Variants in SERPINB8 observed in about 807,000 individuals in gnomAD.
The protein encoded by SERPINB8 is serpin B8.
Under a neutral mutation model 35.3 loss-of-function variants are expected in SERPINB8, and 25 were observed. The ratio of observed to expected loss-of-function variants is 0.71; its 90% CI spans 0.52 to 0.99. The LOEUF (loss-of-function observed/expected upper bound fraction) is 0.99. SERPINB8 is among the 50% of genes least tolerant of loss of function. The probability of loss-of-function intolerance (pLI) is 0.00; values close to 1 mark genes in which losing one functional copy is unlikely to be tolerated. For synonymous variants in SERPINB8, 186 were observed against 160.8 expected (o/e 1.16, Z -1.19); for missense variants, 484 against 446.5 (o/e 1.08, Z -0.76).
At chr18:63,994,657 T>C (rs1328265035) in intron 1 of SERPINB8, among the ~76,000 whole-genome samples, 1 of 152,138 alleles carries the variant, frequency 6.6e-6, no homozygotes, top group Admixed American at 6.5e-5. Context: ...TTTGGTACAC[T>C]GTAACAAGAC....
downstream of SERPINB8, among the ~76,000 whole-genome samples, chr18:63,989,708 C>T (rs1291104816): frequency 2.0e-5 from 3 of 152,006 alleles, no homozygotes; most frequent in Non-Finnish European, 4.4e-5. Context: ...CTTTGGGAGG[C>T]CGAGGCGGGC....
chr18:63,972,806 A>C (rs1347936956), intron 1 of SERPINB8, among the ~76,000 whole-genome samples: 2 of 152,198 alleles, frequency 1.3e-5, no homozygotes, highest in Non-Finnish European at 2.9e-5. Context: ...ATGTCCCTAC[A>C]AAGGACATGA....
intron 6 of SERPINB8, chr18:63,986,601 T>C: frequency 1.5e-6 from 2 of 1,310,286 alleles, no homozygotes; most frequent in South Asian, 4.8e-5. Context: ...GTTTTTAACA[T>C]TTGAAAGGAG....
At chr18:63,994,351 C>G (rs1003355599), downstream of SERPINB8, among the ~76,000 whole-genome samples, 1 of 152,142 alleles carries the variant, frequency 6.6e-6, no homozygotes, top group Admixed American at 6.5e-5. Flanking sequence ...CTCTCTCTCT[C>G]TCTCTCAATT....
chr18:64,010,105 C>G (rs2050919237), downstream of SERPINB8, among the ~76,000 whole-genome samples: 1 of 151,946 alleles, frequency 6.6e-6, no homozygotes, highest in South Asian at 2.1e-4. Context: ...CAAACAACCA[C>G]ATTGAAAAAT....
intron 1 of SERPINB8, among the ~76,000 whole-genome samples, chr18:63,997,438 G>A (rs536587094): frequency 1.4e-4 from 21 of 152,268 alleles, no homozygotes; most frequent in Non-Finnish European, 2.6e-4. Flanking sequence ...CAGGCATGTC[G>A]TCCAATGAGC....
Position 63,983,586 on chromosome 18 carries a change from T to A in SERPINB8, c.432T>A (p.Ile144=). 6.2e-7 allele frequency: 1 copy of A among 1,613,570 alleles called. No individual in the cohort carries two copies. Among genetic ancestry groups the A allele is most frequent in the Non-Finnish European group, 8.5e-7 (1 of 1,179,634 alleles). The change falls in exon 5 of 7, where the codon ATT becomes ATA. Residue 144 remains isoleucine, a synonymous_variant. Transcript: ENST00000397985. The part of the protein sequence containing the change: ...DWVAEKTEGK[I]SEVLDAGTVD... ...CTCTCATATTCTTTATAGGTAAGAT[T>A]TCAGAGGTACTGGATGCTGGGACAG...
In SERPINB8 at chr18:63,987,140, C is replaced by T. The variant is rs201952924; in HGVS notation, c.987C>T (p.Ala329=). Residue 329 remains alanine, a synonymous_variant, in exon 7 of 7, where the codon GCC becomes GCT. Transcript: ENST00000397985. ...VEVNEEGTEA[A]AATAVVRNSR... ...TCAATGAGGAAGGCACAGAGGCTGC[C>T]GCAGCCACTGCTGTGGTCAGGAATT... The T allele has an allele frequency of 7.3e-5, 118 of 1,614,014 alleles. No homozygotes were observed. The highest frequency in any genetic ancestry group is 2.0e-4 in the South Asian group (18 of 91,070).
downstream of SERPINB8, among the ~76,000 whole-genome samples, chr18:63,989,987 G>A (rs1250762571): frequency 1.4e-5 from 2 of 140,710 alleles, no homozygotes; most frequent in African/African-American, 5.2e-5. Context: ...GTGCTTATTT[G>A]CTATCCATAT....
rs573619694 is a variant in SERPINB8 at position 63,983,151 on chromosome 18, C to T, written c.425-428C>T. On this transcript the variant is annotated intron_variant, in intron 4 of 6. Coordinates refer to ENST00000397985, the MANE Select transcript of SERPINB8 (RefSeq NM_002640.4). ...GCTAAACATCCTACAATGCACAAGA[C>T]AGCCCCCATAACAAAGAATTATCTG... Among the ~76,000 whole-genome samples the T allele has an allele frequency of 2.0e-4, 31 of 152,294 alleles. No homozygotes were observed. In the South Asian group the frequency reaches 3.1e-3, roughly 15 times the overall value.
At chr18:63,989,803 C>T (rs1272583935), downstream of SERPINB8, among the ~76,000 whole-genome samples, 3 of 150,506 alleles carry the variant, frequency 2.0e-5, no homozygotes, top group South Asian at 2.1e-4. Flanking sequence ...ATTAGCTGGG[C>T]GTAGTGGTGG....
intron 1 of SERPINB8, among the ~76,000 whole-genome samples, chr18:63,971,113 C>G (rs904089759): frequency 6.6e-6 from 1 of 152,126 alleles, no homozygotes; most frequent in African/African-American, 2.4e-5. Flanking sequence ...AGACTCGTCT[C>G]CCCAGTTCTC....
chr18:63,994,567 GT>G (rs1241353955), intron 1 of SERPINB8, among the ~76,000 whole-genome samples: 1 of 152,106 alleles, frequency 6.6e-6, no homozygotes, highest in Non-Finnish European at 1.5e-5. Context: ...CTAATGTGTT[GT>G]TTACAGAAGC....
chr18:63,990,188 G>T (rs187851756), downstream of SERPINB8, among the ~76,000 whole-genome samples: 18 of 149,522 alleles, frequency 1.2e-4, no homozygotes, highest in East Asian at 3.7e-3. Context: ...CAATTCTCGT[G>T]CCTCAGACCC....
At chr18:63,981,671 T>C (rs758670118) in intron 3 of SERPINB8, 50 bp from the exon 4 acceptor site, 20 of 1,275,462 alleles carry the variant, frequency 1.6e-5, no homozygotes, top group South Asian at 1.3e-4. Flanking sequence ...CTTTTGCATT[T>C]GTGGGAACCT....
At chr18:63,993,940 G>A (rs2050836467), downstream of SERPINB8, among the ~76,000 whole-genome samples, 1 of 152,182 alleles carries the variant, frequency 6.6e-6, no homozygotes, top group Admixed American at 6.5e-5. Flanking sequence ...GGCCTTCGCT[G>A]AGACACTGTT....
At chr18:63,978,779 A>G (rs2050623918) in intron 2 of SERPINB8, among the ~76,000 whole-genome samples, 1 of 152,262 alleles carries the variant, frequency 6.6e-6, no homozygotes, top group African/African-American at 2.4e-5. Flanking sequence ...GTCCCACAAG[A>G]AAGCAAAATA....
intron 3 of SERPINB8, among the ~76,000 whole-genome samples, chr18:63,981,499 C>T (rs2050670320): frequency 1.3e-5 from 2 of 152,170 alleles, no homozygotes; most frequent in African/African-American, 2.4e-5. Context: ...GTCTCAGCTG[C>T]CTCTTCTCAG....
intron 1 of SERPINB8, among the ~76,000 whole-genome samples, chr18:63,976,925 C>G (rs1983334): frequency 0.028 from 4,137 of 145,466 alleles, 174 homozygotes; most frequent in African/African-American, 0.099. Context: ...TTTTTTTTGT[C>G]TTTCCAGTAG....
Sources: allele counts gnomAD v4.1 joint callset (sites outside exome capture counted in the v4.1 genomes callset), GRCh38; gene constraint gnomAD v4.1.1; transcripts MANE v1.5; gene names NCBI Gene and HGNC (gene_info 2026-07-23, HGNC 2026-07-21).